CCSER1: variants seen among roughly 807,000 people sequenced by gnomAD.
CCSER1 encodes serine-rich coiled-coil domain-containing protein 1.
Under a neutral mutation model 82.0 loss-of-function variants are expected in CCSER1, and 41 were observed. The ratio of observed to expected loss-of-function variants is 0.50; its 90% CI spans 0.39 to 0.65. The LOEUF (loss-of-function observed/expected upper bound fraction) is 0.65, where lower values mean the gene tolerates loss of function less well. Ranked by LOEUF, CCSER1 falls within the 30% of genes least tolerant of loss-of-function variation. The pLI is 0.00. For missense variants in CCSER1, 1,119 were observed against 1,064.2 expected, an observed-to-expected ratio of 1.05 and a Z score of -0.72; for synonymous variants, 414 against 383.9, an observed-to-expected ratio of 1.08 and a Z score of -0.92.
rs1446823201 is a variant in CCSER1 at position 91,272,548 on chromosome 4, G to A, written c.2217+186554G>A. On this transcript the variant is annotated intron_variant, in intron 10 of 10. Coordinates refer to ENST00000509176, the MANE Select transcript of CCSER1 (RefSeq NM_001145065.2). ...AAGATTTTCTCCCACTCTGTGGGTT[G>A]TCTGTTTACTCTGCTGGCAGTTCCT... Among the ~76,000 whole-genome samples the A allele has an allele frequency of 2.0e-5, 3 of 152,176 alleles. No individual in the cohort carries two copies. In the East Asian group the frequency reaches 5.8e-4, roughly 29 times the overall value.
chr4:90,965,485 A>G (rs769180952), intron 9 of CCSER1, among the ~76,000 whole-genome samples: 7 of 152,284 alleles, frequency 4.6e-5, no homozygotes, highest in South Asian at 2.1e-4. Context: ...ACATGCCCCC[A>G]ATACATACAC....
At chr4:91,410,931 C>G (rs1752984163) in intron 10 of CCSER1, among the ~76,000 whole-genome samples, 1 of 151,962 alleles carries the variant, frequency 6.6e-6, no homozygotes, top group Non-Finnish European at 1.5e-5. Flanking sequence ...TTTTAGTGAT[C>G]TTAGCATCAT....
intron 9 of CCSER1, among the ~76,000 whole-genome samples, chr4:90,946,491 C>T (rs573743698): frequency 2.6e-5 from 4 of 151,958 alleles, no homozygotes; most frequent in African/African-American, 4.8e-5. Context: ...ATTAGCCAGG[C>T]GTGGTTCCAG....
chr4:90,361,456 G>C (rs191025034), intron 3 of CCSER1, among the ~76,000 whole-genome samples: 18 of 152,310 alleles, frequency 1.2e-4, no homozygotes, highest in Admixed American at 9.1e-4. Flanking sequence ...AATTGGACAA[G>C]AAGGCCTATG....
intron 10 of CCSER1, among the ~76,000 whole-genome samples, chr4:91,329,532 TA>T (rs1221754999): frequency 9.9e-5 from 15 of 152,198 alleles, no homozygotes; most frequent in Non-Finnish European, 1.8e-4. Flanking sequence ...AAACAGCATG[TA>T]TTTGTCACAG....
chr4:90,454,056 C>A (rs897958221), intron 4 of CCSER1, among the ~76,000 whole-genome samples: 1 of 152,116 alleles, frequency 6.6e-6, no homozygotes, highest in African/African-American at 2.4e-5. Context: ...CCAGTGGTCT[C>A]CATTACCTAC....
At chr4:90,859,134 A>G (rs184119792) in intron 8 of CCSER1, among the ~76,000 whole-genome samples, 10 of 152,010 alleles carry the variant, frequency 6.6e-5, no homozygotes, top group Admixed American at 4.6e-4. Flanking sequence ...TAGCACACAG[A>G]AACTGATCCC....
intron 7 of CCSER1, among the ~76,000 whole-genome samples, chr4:90,732,027 T>TCTCTCTCTCTCTCTCTCTC (rs1744828761): frequency 7.6e-6 from 1 of 131,144 alleles, no homozygotes; most frequent in African/African-American, 3.2e-5. Flanking sequence ...CTATTGGGAT[T>TCTCTCTCTCTCTCTCTCTC]TCTCTCTCTC....
chr4:91,394,979 G>T (rs931290274), intron 10 of CCSER1, among the ~76,000 whole-genome samples: 2 of 151,282 alleles, frequency 1.3e-5, no homozygotes, highest in African/African-American at 2.4e-5. Context: ...ATTAAAAATA[G>T]GCATTATAAT....
chr4:90,781,116 C>A, intron 7 of CCSER1: 2 of 222,564 alleles, frequency 9.0e-6, no homozygotes, highest in Non-Finnish European at 1.5e-5. Context: ...AAGACAGCAC[C>A]CAGCCATGAG....
chr4:91,512,619 T>C (rs1386157236), intron 10 of CCSER1, among the ~76,000 whole-genome samples: 1 of 152,212 alleles, frequency 6.6e-6, no homozygotes, highest in Non-Finnish European at 1.5e-5. Flanking sequence ...CCCTTTTATA[T>C]ATACATCTAT....
chr4:91,365,147 T>C (rs932459976), intron 10 of CCSER1, among the ~76,000 whole-genome samples: 2 of 152,328 alleles, frequency 1.3e-5, no homozygotes, highest in East Asian at 1.9e-4. Flanking sequence ...ATTTCTGTTA[T>C]TTATGAGAGG....
At position 91,028,311 on chromosome 4, in the gene CCSER1, A is replaced by G. The variant is rs374044467; in HGVS notation, c.2173-57639A>G. ...TAGAAATAAAATATACTGCCCTTAT[A>G]TATTGGCATTCTAAGTTGGCTAGAG... On this transcript the variant is annotated intron_variant, in intron 9 of 10. Transcript: ENST00000509176. Among the ~76,000 whole-genome samples the G allele has an allele frequency of 2.0e-5, 3 of 152,130 alleles. No homozygotes were observed. The East Asian group carries it at 5.8e-4, about 29-fold the overall frequency.
At chr4:90,513,271 C>T (rs563635341) in intron 5 of CCSER1, among the ~76,000 whole-genome samples, 4 of 152,210 alleles carry the variant, frequency 2.6e-5, no homozygotes, top group Admixed American at 1.3e-4. Context: ...ATGAATAAAG[C>T]GGTATGGTGA....
chr4:90,996,084 G>T (rs1311391967), intron 9 of CCSER1, among the ~76,000 whole-genome samples: 1 of 151,914 alleles, frequency 6.6e-6, no homozygotes, highest in Non-Finnish European at 1.5e-5. Context: ...AATAATAAAA[G>T]GAATGAATAT....
Position 90,669,589 on chromosome 4 carries a change from A to G in CCSER1, c.1932+41357A>G, listed in dbSNP as rs1456773105. Among the ~76,000 whole-genome samples, 4 of 152,216 alleles carry G rather than the reference A, an allele frequency of 2.6e-5. No homozygotes were observed. The East Asian group carries it at 7.7e-4, about 29-fold the overall frequency. On this transcript the variant is annotated intron_variant, in intron 6 of 10. Transcript: ENST00000509176. The stretch of plus-strand genomic sequence containing the variant: ...GTTTGGTTATGTTATAACTTGGTAG[A>G]GGAAGGTATCGTTTAGGGGAGGGAA...
chr4:90,712,146 G>A (rs1475602392), intron 6 of CCSER1, among the ~76,000 whole-genome samples: 3 of 151,864 alleles, frequency 2.0e-5, no homozygotes, highest in African/African-American at 7.2e-5. Flanking sequence ...GTCTGCTTCA[G>A]TGCAGCTCTG....
chr4:91,248,402 C>G (rs146512822), intron 10 of CCSER1, among the ~76,000 whole-genome samples: 1 of 152,254 alleles, frequency 6.6e-6, no homozygotes, highest in East Asian at 1.9e-4. Context: ...AAAACACTAC[C>G]TCAGTCAGGT....
At chr4:90,618,801 A>T (rs1419930335) in intron 5 of CCSER1, among the ~76,000 whole-genome samples, 1 of 151,940 alleles carries the variant, frequency 6.6e-6, no homozygotes, top group Non-Finnish European at 1.5e-5. Flanking sequence ...TAAGAAGTTC[A>T]TAATAAGTAA....
Sources: allele counts gnomAD v4.1 joint callset (sites outside exome capture counted in the v4.1 genomes callset), GRCh38; gene constraint gnomAD v4.1.1; transcripts MANE v1.5; gene names NCBI Gene and HGNC (gene_info 2026-07-23, HGNC 2026-07-21).